Variants in FAM110A observed in about 807,000 individuals in gnomAD.
FAM110A encodes the protein family with sequence similarity 110 member A.
FAM110A carries 1 observed loss-of-function variant against 4.0 expected under a neutral mutation model. The observed-to-expected ratio is 0.25, with a 90% CI of 0.09 to 1.20. FAM110A has a LOEUF of 1.20. FAM110A is among the 50% of genes most tolerant of loss of function. FAM110A has a pLI of 0.50. For missense variants in FAM110A, 436 were observed against 429.2 expected (o/e 1.02, Z -0.14); for synonymous variants, 217 against 196.8 (o/e 1.10, Z -0.86).
intron 1 of FAM110A, among the ~76,000 whole-genome samples, chr20:838,834 T>A (rs77942596): frequency 1.3e-5 from 2 of 150,902 alleles, no homozygotes; most frequent in African/African-American, 4.9e-5. Flanking sequence ...TTTTTTTTTT[T>A]TTTGAGACAG....
Position 846,073 on chromosome 20 carries a change from T to G in FAM110A, c.*381T>G. The G allele has an allele frequency of 1.2e-5, 3 of 258,682 alleles. No individual in the cohort carries two copies. The highest frequency in any genetic ancestry group is 2.4e-5 in the Non-Finnish European group (3 of 123,500). 16.0% of individuals were successfully genotyped at this position (258,682 alleles called of 1,614,324 possible). ...CGGCTCTGTTTCCTCCTTCCTTCCT[T>G]GGCCTCTGTCCTTTGCTGACTTCCT... On this transcript the variant is annotated 3_prime_UTR_variant, in exon 2 of 2. Transcript: ENST00000381941.
rs537185607 is a variant in FAM110A, at chr20:845,029, G to A, written c.225G>A (p.Pro75=). Residue 75 remains proline, a synonymous_variant, in exon 2 of 2, where the codon CCG becomes CCA. Transcript: ENST00000381941. ...EPVQPLLSKQ[P]LFSPETRRTV... is the part of the protein sequence containing the mutation. ...TGCAGCCCCTGCTGTCCAAACAGCC[G>A]CTCTTTAGCCCTGAGACTCGCCGCA... 4.4e-6 allele frequency: 7 copies of A among 1,593,964 alleles called. No homozygotes were observed. In the Admixed American group the frequency reaches 8.7e-5, roughly 20 times the overall value.
Position 835,236 on chromosome 20 carries a change from ACAC to A in FAM110A, c.-98+1286_-98+1288del, listed in dbSNP as rs1463751671. Among the ~76,000 whole-genome samples, 4 of 150,596 alleles carry A rather than the reference ACAC, an allele frequency of 2.7e-5. No homozygotes were observed. In the South Asian group the frequency reaches 8.5e-4, roughly 32 times the overall value. On this transcript the variant is annotated intron_variant, in intron 1 of 1. Transcript: ENST00000381941. ...TATACACACACACATATATACACAC[ACAC>A]ATATATGTATATATATGTATGTGTG...
chr20:844,654 T>G (rs1033789811), intron 1 of FAM110A, 54 bp from the exon 2 acceptor site: 1 of 1,272,116 alleles, frequency 7.9e-7, no homozygotes, highest in Non-Finnish European at 1.0e-6. Context: ...CGGCTGAGCC[T>G]CTTTGTCTGA....
At chr20:838,104 T>G (rs1221159394) in intron 1 of FAM110A, among the ~76,000 whole-genome samples, 1 of 152,132 alleles carries the variant, frequency 6.6e-6, no homozygotes, top group African/African-American at 2.4e-5. Flanking sequence ...GTGGCAGGAT[T>G]GCTTCAGCCC....
At position 833,720 on chromosome 20, in the gene FAM110A, C is replaced by T. The variant is rs919580529; in HGVS notation, c.-329C>T. The T allele has an allele frequency of 6.6e-6, 1 of 152,238 alleles. No homozygotes were observed. Among genetic ancestry groups the T allele is most frequent in the Admixed American group, 6.5e-5 (1 of 15,290 alleles). The allele number at this position is 152,238 out of a possible 1,614,324, so 9.4% of individuals were successfully genotyped here. On this transcript the variant is annotated 5_prime_UTR_variant, in exon 1 of 2. Transcript: ENST00000381941. This position sits in a 1 kb window ranked among gnomAD's most constrained non-coding sequence, Gnocchi z 4.1. ...TGAAGGGGGGCGGCGTGCTCACTTC[C>T]CCTTCCACGGCGCCCCAGGGACTTT... is the stretch of plus-strand genomic sequence containing the variant.
intron 1 of FAM110A, chr20:836,252 G>A (rs60936271): frequency 7.0e-6 from 1 of 142,804 alleles, no homozygotes; most frequent in Non-Finnish European, 1.5e-5. Context: ...TTTTTGGGGG[G>A]GGGGGTGGGG....
At chr20:839,985 G>T in intron 1 of FAM110A, 6 of 1,306,906 alleles carry the variant, frequency 4.6e-6, no homozygotes, top group Non-Finnish European at 6.6e-6. Flanking sequence ...CATCTTGGCA[G>T]CTGTAGGGTC....
At position 845,565 on chromosome 20, in the gene FAM110A, T is replaced by C. The variant is rs191347965; in HGVS notation, c.761T>C (p.Val254Ala). ...SEGGCSRRSS[V>A]TVEERARERV... ...GGGGGCTGCTCCCGCCGCAGCTCGGTGACTGTTGAGGAGCGGGCCCGGGAG... is the reference window on the plus strand; with the variant it reads ...GGGGGCTGCTCCCGCCGCAGCTCGGCGACTGTTGAGGAGCGGGCCCGGGAG... The change falls in exon 2 of 2, where the codon GTG (valine) becomes GCG (alanine). Residue 254 changes from valine (V) to alanine (A), a missense_variant. Physicochemically the swap from Val to Ala is moderately conservative, Grantham distance 64. Transcript: ENST00000381941. 1.4e-3 allele frequency: 2,333 copies of C among 1,613,588 alleles called. 43 individuals are homozygous for C. The South Asian group carries it at 0.019, about 13-fold the overall frequency.
chr20:842,787 G>A (rs1980007431), intron 1 of FAM110A, among the ~76,000 whole-genome samples: 1 of 152,122 alleles, frequency 6.6e-6, no homozygotes, highest in South Asian at 2.1e-4. Context: ...CAGCTTCCTG[G>A]AACAATACAC....
intron 1 of FAM110A, chr20:839,568 G>A (rs1234844924): frequency 1.0e-6 from 1 of 1,000,052 alleles, no homozygotes; most frequent in Admixed American, 1.7e-5. Context: ...CCGTCTGTAG[G>A]TATCTCTGTC....
intron 1 of FAM110A, among the ~76,000 whole-genome samples, chr20:837,131 C>A (rs1004857416): frequency 6.7e-6 from 1 of 148,686 alleles, no homozygotes; most frequent in African/African-American, 2.5e-5. Flanking sequence ...CGGCTCACTG[C>A]AACCTCTGTG....
In FAM110A at chr20:845,184, C is replaced by G; in HGVS notation, c.380C>G (p.Pro127Arg). Residue 127 changes from proline to arginine, a missense_variant, in exon 2 of 2, where the codon CCT becomes CGT. Physicochemically the swap from Pro to Arg is moderately radical, Grantham distance 103 (BLOSUM62 -2). Transcript: ENST00000381941. ...TCCCCTGCCGAGGCCAGCCGCACTC[C>G]TGGACGGGCCGAGGGAGCCGGCCGT... ...PVSPAEASRT[P>R]GRAEGAGRPP... 1 of 1,570,698 alleles carries G rather than the reference C, an allele frequency of 6.4e-7. No individual in the cohort carries two copies. Among genetic ancestry groups the G allele is most frequent in the Non-Finnish European group, 8.6e-7 (1 of 1,162,638 alleles).
At chr20:836,687 G>A (rs1979592347) in intron 1 of FAM110A, among the ~76,000 whole-genome samples, 2 of 152,292 alleles carry the variant, frequency 1.3e-5, no homozygotes, top group South Asian at 4.1e-4. Context: ...ATATCTGTTT[G>A]AGTTCCTGTT....
chr20:843,565 C>G (rs1259587769), intron 1 of FAM110A, among the ~76,000 whole-genome samples: 1 of 152,196 alleles, frequency 6.6e-6, no homozygotes, highest in Non-Finnish European at 1.5e-5. Context: ...GTCTAGATGG[C>G]TTGAACTGTA....
chr20:836,712 G>T (rs948303624), intron 1 of FAM110A, among the ~76,000 whole-genome samples: 1 of 152,074 alleles, frequency 6.6e-6, no homozygotes, highest in Non-Finnish European at 1.5e-5. Flanking sequence ...ATTGTTTTGG[G>T]TATACACTCA....
chr20:845,996 C>A lies in FAM110A; in HGVS notation c.*304C>A. ...GGGGCTGCATTTGCGGTGCTTTGCC[C>A]TCCCCACTGTGAGTGAGGGGCCAAG... On this transcript the variant is annotated 3_prime_UTR_variant, in exon 2 of 2. Coordinates refer to ENST00000381941, the MANE Select transcript of FAM110A (RefSeq NM_001042353.3). The A allele has an allele frequency of 2.4e-6, 1 of 414,288 alleles. No individual in the cohort carries two copies. Among genetic ancestry groups the A allele is most frequent in the Non-Finnish European group, 4.5e-6 (1 of 222,742 alleles). The allele number at this position is 414,288 out of a possible 1,614,324, so 25.7% of individuals were successfully genotyped here.
intron 1 of FAM110A, among the ~76,000 whole-genome samples, chr20:843,850 C>T (rs1013808714): frequency 3.3e-5 from 5 of 152,184 alleles, no homozygotes; most frequent in East Asian, 1.9e-4. Context: ...GCAGGCAGAT[C>T]GAGGGTCTGC....
In FAM110A at chr20:845,714, G is replaced by A. The variant is rs201672012; in HGVS notation, c.*22G>A. 77 of 1,613,544 alleles carry A rather than the reference G, an allele frequency of 4.8e-5. No homozygotes were observed. In the Admixed American group the frequency reaches 6.7e-4, roughly 14 times the overall value. ...CTAGGCGCCACTGGGCCTGGAATTC[G>A]CCACAGGACGGATCTTACAGAGGCA... On this transcript the variant is annotated 3_prime_UTR_variant, in exon 2 of 2. Transcript: ENST00000381941.
Sources: allele counts gnomAD v4.1 joint callset (sites outside exome capture counted in the v4.1 genomes callset), GRCh38; gene constraint gnomAD v4.1.1; non-coding constraint Gnocchi (gnomAD v3.1); transcripts MANE v1.5; gene names NCBI Gene and HGNC (gene_info 2026-07-23, HGNC 2026-07-21).